NDOR1: variants seen among roughly 807,000 people sequenced by gnomAD.
NDOR1 encodes NADPH dependent diflavin oxidoreductase 1.
A neutral mutation model predicts 67.2 loss-of-function variants in NDOR1; 61 were observed. The observed-to-expected ratio is 0.91, with a 90% CI of 0.74 to 1.12. NDOR1 has a LOEUF of 1.12. Ranked by LOEUF, NDOR1 falls within the 50% of genes most tolerant of loss-of-function variation. NDOR1 has a pLI of 0.00. For missense variants in NDOR1, 878 were observed against 802.8 expected (o/e 1.09, Z -1.13); for synonymous variants, 378 against 343.7 (o/e 1.10, Z -1.10).
chr9:137,215,576 G>A, intron 10 of NDOR1, 55 bp downstream of exon 10: 1 of 1,609,162 alleles, frequency 6.2e-7, no homozygotes, highest in South Asian at 1.1e-5. Context: ...TCTCTCCCAT[G>A]CTCATGCAAA....
In NDOR1 at chr9:137,217,088, C is replaced by T. The variant is rs1835648763; in HGVS notation, c.*672C>T. ...TGGGTGCTGGATGGATGGGCGTCCT[C>T]TAGCTCCTCCCGGTGCCCTGGGTGC... On this transcript the variant is annotated 3_prime_UTR_variant, in exon 14 of 14. Coordinates refer to ENST00000684003, the MANE Select transcript of NDOR1 (RefSeq NM_014434.4). 5.4e-6 allele frequency: 1 copy of T among 183,986 alleles called. No individual in the cohort carries two copies. The highest frequency in any genetic ancestry group is 2.5e-5 in the African/African-American group (1 of 39,672). The allele number at this position is 183,986 out of a possible 1,614,324, so 11.4% of individuals were successfully genotyped here.
At position 137,218,288 on chromosome 9, in the gene NDOR1, G is replaced by T; in HGVS notation, c.*1872G>T. On this transcript the variant is annotated 3_prime_UTR_variant, in exon 14 of 14. Coordinates refer to ENST00000684003, the MANE Select transcript of NDOR1 (RefSeq NM_014434.4). ...ACAGGAGGAGCTGCTACAGGCCGAC[G>T]GGCCCTCACGCCAGCCCCGCCGAGA... is the stretch of plus-strand genomic sequence containing the variant. 2.5e-6 allele frequency: 1 copy of T among 398,270 alleles called. No homozygotes were observed. Among genetic ancestry groups the T allele is most frequent in the Non-Finnish European group, 4.4e-6 (1 of 225,808 alleles). 24.7% of individuals were successfully genotyped at this position (398,270 alleles called of 1,614,324 possible). A position where few individuals can be genotyped will look rare whatever the true frequency, so the allele number is the denominator to read the frequency against.
chr9:137,211,369 T>C (rs774644753), intron 2 of NDOR1, among the ~76,000 whole-genome samples: 3 of 152,110 alleles, frequency 2.0e-5, no homozygotes, highest in Non-Finnish European at 2.9e-5. Context: ...CCCCGGGGCA[T>C]GTCACTGTGG....
chr9:137,205,807 C>T lies in NDOR1; in HGVS notation c.30C>T (p.Phe10=). 2 of 1,605,270 alleles carry T rather than the reference C, an allele frequency of 1.2e-6. No individual in the cohort carries two copies. Among genetic ancestry groups the T allele is most frequent in the Non-Finnish European group, 1.7e-6 (2 of 1,179,672 alleles). ...CGAGCCCGCAGCTTCTGGTGCTCTTCGGCAGCCAGACAGGCACGGCTCAGG... is the reference window on the plus strand; with the variant it reads ...CGAGCCCGCAGCTTCTGGTGCTCTTTGGCAGCCAGACAGGCACGGCTCAGG... MPSPQLLVL[F]GSQTGTAQDV... Residue 10 remains phenylalanine (F), a synonymous_variant, in exon 1 of 14, where the codon TTC becomes TTT. Coordinates refer to ENST00000684003, the MANE Select transcript of NDOR1 (RefSeq NM_014434.4).
chr9:137,215,255 G>C (rs1420665970), intron 9 of NDOR1, 53 bp downstream of exon 9: 7 of 1,570,898 alleles, frequency 4.5e-6, no homozygotes, highest in Admixed American at 1.7e-5. Flanking sequence ...AGCTGGGACC[G>C]GGGCTGTGGG....
At chr9:137,216,219 C>T (rs1326431769) in intron 13 of NDOR1, 31 bp downstream of exon 13, 2 of 1,612,924 alleles carry the variant, frequency 1.2e-6, no homozygotes, top group African/African-American at 2.7e-5. Context: ...CAGGAGTGGG[C>T]CCAGCCCCTG....
Position 137,215,693 on chromosome 9 carries a change from G to A in NDOR1, c.1323G>A (p.Gly441=), listed in dbSNP as rs756258493. The A allele has an allele frequency of 1.9e-6, 3 of 1,588,368 alleles. No individual in the cohort carries two copies. The Admixed American group carries it at 5.2e-5, about 28-fold the overall frequency. ...PVRVPLWVRP[G]SLAFPETPDT... ...GGGTGCCCCTCTGGGTGCGGCCTGG[G>A]AGTCTGGCCTTCCCAGAGACACCAG... The change falls in exon 11 of 14, where the codon GGG becomes GGA. Residue 441 remains glycine (G), a synonymous_variant. Coordinates refer to ENST00000684003, the MANE Select transcript of NDOR1 (RefSeq NM_014434.4).
intron 2 of NDOR1, among the ~76,000 whole-genome samples, chr9:137,208,382 C>T (rs1347009602): frequency 1.3e-5 from 2 of 151,830 alleles, no homozygotes; most frequent in Non-Finnish European, 2.9e-5. Context: ...ACCCGGGAGG[C>T]GGAACTTGCA....
Position 137,215,158 on chromosome 9 carries a change from C to T in NDOR1, c.1129C>T (p.Pro377Ser), listed in dbSNP as rs754640552. The T allele has an allele frequency of 3.1e-6, 5 of 1,613,416 alleles. No individual in the cohort carries two copies. The South Asian group carries it at 5.5e-5, about 18-fold the overall frequency. ...TCCCGACTACCTGTTGGACCTCATC[C>T]CCGTTATCCGGCCGAGGGCCTTCTC... Reference protein sequence around the residue: ...IPPDYLLDLIPVIRPRAFSIA... With the variant: ...IPPDYLLDLISVIRPRAFSIA... Residue 377 changes from proline to serine, a missense_variant, in exon 9 of 14, where the codon CCC (proline) becomes TCC (serine). Pro to Ser is a moderately conservative substitution (Grantham distance 74). Coordinates refer to ENST00000684003, the MANE Select transcript of NDOR1 (RefSeq NM_014434.4).
Position 137,212,393 on chromosome 9 carries a change from GCCC to G in NDOR1, c.214-106_214-104del. On this transcript the variant is annotated intron_variant, in intron 2 of 13. Coordinates refer to ENST00000684003, the MANE Select transcript of NDOR1 (RefSeq NM_014434.4). This position sits in a 1 kb window ranked among gnomAD's most constrained non-coding sequence, Gnocchi z 4.3. ...GGTCAGATAGGTCCAGTTGTATTCT[GCCC>G]CCATCCTACCCACCTGCCTGTTCCC... 1 of 914,562 alleles carries G rather than the reference GCCC, an allele frequency of 1.1e-6. No homozygotes were observed. The highest frequency in any genetic ancestry group is 1.8e-6 in the Non-Finnish European group (1 of 566,010). The allele number at this position is 914,562 out of a possible 1,614,324, so 56.7% of individuals were successfully genotyped here.
At position 137,213,847 on chromosome 9, in the gene NDOR1, G is replaced by A. The variant is rs779791327; in HGVS notation, c.379G>A (p.Val127Met). 1.6e-5 allele frequency: 25 copies of A among 1,610,974 alleles called. No individual in the cohort carries two copies. Among genetic ancestry groups the A allele is most frequent in the South Asian group, 1.3e-4 (12 of 90,886 alleles). ...GCTTGGGGGCAGCGCCCTCCTGCCC[G>A]TGTGCCTGGGCGATGACCAGCATGA... ...LQLGGSALLPVCLGDDQHELG... is the reference protein window; with the variant it reads ...LQLGGSALLPMCLGDDQHELG... The change falls in exon 4 of 14, where the codon GTG becomes ATG. Residue 127 changes from valine (V) to methionine (M), a missense_variant. Coordinates refer to ENST00000684003, the MANE Select transcript of NDOR1 (RefSeq NM_014434.4).
Position 137,212,750 on chromosome 9 carries a change from G to C in NDOR1, c.311+151G>C. 1.5e-6 allele frequency: 1 copy of C among 688,932 alleles called. No individual in the cohort carries two copies. The highest frequency in any genetic ancestry group is 1.7e-5 in the South Asian group (1 of 58,334). 42.7% of individuals were successfully genotyped at this position (688,932 alleles called of 1,614,324 possible). ...TACTGGCTTCTCCACAACGCTCCCT[G>C]GTGGGCACCCCAGGCTTCACGCTGC... is the stretch of plus-strand genomic sequence containing the variant. On this transcript the variant is annotated intron_variant, in intron 3 of 13. Transcript: ENST00000684003. This position sits in a 1 kb window ranked among gnomAD's most constrained non-coding sequence, Gnocchi z 4.3.
At position 137,205,749 on chromosome 9, in the gene NDOR1, T is replaced by C; in HGVS notation, c.-29T>C. ...GCGGGAACTGCCTTCTAGTTTTTAG[T>C]CTCAGACCAGACCACCGGGCGCACC... On this transcript the variant is annotated 5_prime_UTR_variant, in exon 1 of 14. Transcript: ENST00000684003. 1 of 1,600,710 alleles carries C rather than the reference T, an allele frequency of 6.2e-7. No homozygotes were observed. The highest frequency in any genetic ancestry group is 8.5e-7 in the Non-Finnish European group (1 of 1,179,516).
intron 1 of NDOR1, 134 bp downstream of exon 1, chr9:137,206,046 G>C: frequency 6.8e-7 from 1 of 1,479,170 alleles, no homozygotes; most frequent in Non-Finnish European, 9.1e-7. Context: ...TAGGGAAGGA[G>C]GTTTGGGAAG....
rs942310463 is a variant in NDOR1, at chr9:137,217,263, G to T, written c.*847G>T. Among the ~76,000 whole-genome samples the T allele has an allele frequency of 6.6e-6, 1 of 152,164 alleles. No homozygotes were observed. On this transcript the variant is annotated 3_prime_UTR_variant, in exon 14 of 14. Coordinates refer to ENST00000684003, the MANE Select transcript of NDOR1 (RefSeq NM_014434.4). ...TATGTCTGCCTCTAATGGGATGTGC[G>T]CCCTGACTGCCTCGTTCTTAAGGGC...
chr9:137,207,038 G>A (rs954912640), intron 2 of NDOR1, among the ~76,000 whole-genome samples: 8 of 151,986 alleles, frequency 5.3e-5, no homozygotes, highest in Non-Finnish European at 8.8e-5. Context: ...GGAGAAGAGA[G>A]GCAGGAAGCC....
chr9:137,208,051 G>A (rs1156387041), intron 2 of NDOR1, among the ~76,000 whole-genome samples: 5 of 151,710 alleles, frequency 3.3e-5, no homozygotes, highest in African/African-American at 1.2e-4. Context: ...GGAGGCTGAG[G>A]CAGGAGAATC....
At position 137,216,010 on chromosome 9, in the gene NDOR1, G is replaced by A. The variant is rs757612678; in HGVS notation, c.1547G>A (p.Arg516Gln). 8.1e-6 allele frequency: 13 copies of A among 1,613,392 alleles called. No individual in the cohort carries two copies. The highest frequency in any genetic ancestry group is 6.7e-5 in the East Asian group (3 of 44,898). ...DCLTLIPAFS[R>Q]EQEQKVYVQH... is the part of the protein sequence containing the mutation. ...CTGACCCTCATCCCTGCCTTCTCCCGGGAACAGGTGTGTATGCTCAGGGGC... is the reference window on the plus strand; with the variant it reads ...CTGACCCTCATCCCTGCCTTCTCCCAGGAACAGGTGTGTATGCTCAGGGGC... The change falls in exon 12 of 14, where the codon CGG becomes CAG. Residue 516 changes from arginine to glutamine, a missense_variant. Coordinates refer to ENST00000684003, the MANE Select transcript of NDOR1 (RefSeq NM_014434.4).
chr9:137,214,438 G>T lies in NDOR1; in HGVS notation c.722+25G>T, dbSNP rs771613393. Reference sequence around the variant, plus strand: ...GGTGGGGACTGCTGGGGACCGAGGAGGGCAAGGTGAGGTGGGCCGTGGGTC... The same window carrying T: ...GGTGGGGACTGCTGGGGACCGAGGATGGCAAGGTGAGGTGGGCCGTGGGTC... On this transcript the variant is annotated intron_variant, in intron 6 of 13. Coordinates refer to ENST00000684003, the MANE Select transcript of NDOR1 (RefSeq NM_014434.4). 3.7e-6 allele frequency: 6 copies of T among 1,601,084 alleles called. No homozygotes were observed. In the African/African-American group the frequency reaches 7.0e-5, roughly 19 times the overall value.
Sources: allele counts gnomAD v4.1 joint callset (sites outside exome capture counted in the v4.1 genomes callset), GRCh38; gene constraint gnomAD v4.1.1; non-coding constraint Gnocchi (gnomAD v3.1); transcripts MANE v1.5; gene names NCBI Gene and HGNC (gene_info 2026-07-23, HGNC 2026-07-21).